The following LPAR5 variants were observed in gnomAD, a reference collection of about 807,000 sequenced individuals.
LPAR5 encodes the protein lysophosphatidic acid receptor 5, also known as G protein-coupled receptor 92.
For synonymous variants in LPAR5, 271 were observed against 261.6 expected, an observed-to-expected ratio of 1.04 and a Z score of -0.35; for missense variants, 544 against 521.8, an observed-to-expected ratio of 1.04 and a Z score of -0.41.
chr12:6,620,905 A>C lies in LPAR5; in HGVS notation c.344T>G (p.Ile115Ser). Residue 115 changes from isoleucine (I) to serine (S), a missense_variant, in exon 2 of 2, where the codon ATC (isoleucine) becomes AGC (serine). Transcript: ENST00000329858. This position sits in a 1 kb window ranked among gnomAD's most constrained non-coding sequence, Gnocchi z 6.8. ...GATGGCGGCGTAGCGGTCCACGTTG[A>C]TGAGCATCAGGAAGATGCAGCTGCC... is the stretch of plus-strand genomic sequence containing the variant. ...MYGSCIFLML[I>S]NVDRYAAIVH... The C allele has an allele frequency of 1.3e-6, 2 of 1,594,548 alleles. No homozygotes were observed. The highest frequency in any genetic ancestry group is 1.7e-6 in the Non-Finnish European group (2 of 1,171,056).
chr12:6,625,671 C>T (rs987546947), intron 1 of LPAR5, among the ~76,000 whole-genome samples: 1 of 149,434 alleles, frequency 6.7e-6, no homozygotes, highest in Non-Finnish European at 1.5e-5. Flanking sequence ...TGCACTGAGC[C>T]GAGTTCACGC....
chr12:6,619,864 C>T lies in LPAR5; in HGVS notation c.*266G>A, dbSNP rs999425968. ...CCCAAAGGCATTTCGTCCTCTTCTGCCCTCTGCACGGGTGGGCTCTCTGCA... is the reference window on the plus strand; with the variant it reads ...CCCAAAGGCATTTCGTCCTCTTCTGTCCTCTGCACGGGTGGGCTCTCTGCA... On this transcript the variant is annotated 3_prime_UTR_variant, in exon 2 of 2. Coordinates refer to ENST00000329858, the MANE Select transcript of LPAR5 (RefSeq NM_020400.6). 3 of 657,124 alleles carry T rather than the reference C, an allele frequency of 4.6e-6. No homozygotes were observed. Among genetic ancestry groups the T allele is most frequent in the Non-Finnish European group, 8.4e-6 (3 of 356,938 alleles). 40.7% of individuals were successfully genotyped at this position (657,124 alleles called of 1,614,324 possible).
intron 1 of LPAR5, among the ~76,000 whole-genome samples, chr12:6,628,601 C>T (rs1190303499): frequency 2.0e-5 from 3 of 151,582 alleles, no homozygotes; most frequent in Non-Finnish European, 4.4e-5. Context: ...GCTGAGATTA[C>T]AGGCGCTCAC....
chr12:6,621,119 G>A lies in LPAR5; in HGVS notation c.130C>T (p.Leu44Phe). The A allele has an allele frequency of 1.2e-6, 2 of 1,603,358 alleles. No homozygotes were observed. The highest frequency in any genetic ancestry group is 1.7e-6 in the Non-Finnish European group (2 of 1,174,356). The change falls in exon 2 of 2, where the codon CTC becomes TTC. Residue 44 changes from leucine (L) to phenylalanine (F), a missense_variant. By Grantham distance (22) the Leu-to-Phe change is conservative (BLOSUM62 0). Coordinates refer to ENST00000329858, the MANE Select transcript of LPAR5 (RefSeq NM_020400.6). ...CGCAGCGCGCGCAGGAAGACCCAGA[G>A]GGCTAGCGCGTTGAGGGGGAGCCCG... is the stretch of plus-strand genomic sequence containing the variant. ...AAGLPLNALA[L>F]WVFLRALRVH... is the part of the protein sequence containing the mutation.
rs1948888765 is a variant in LPAR5, at chr12:6,620,865, T to G, written c.384A>C (p.Arg128=). Residue 128 remains arginine, a synonymous_variant, in exon 2 of 2, where the codon CGA becomes CGC. Transcript: ENST00000329858. This position sits in a 1 kb window ranked among gnomAD's most constrained non-coding sequence, Gnocchi z 6.8. The stretch of plus-strand genomic sequence containing the variant: ...CGCGGGGCCGCCGCAGGTGGCGCAG[T>G]CGCAGCGGGTGCACGATGGCGGCGT... ...DRYAAIVHPL[R]LRHLRRPRVA... 1 of 1,567,486 alleles carries G rather than the reference T, an allele frequency of 6.4e-7. No individual in the cohort carries two copies. Among genetic ancestry groups the G allele is most frequent in the Admixed American group, 1.9e-5 (1 of 52,510 alleles).
In LPAR5 at chr12:6,620,339, A is replaced by G; in HGVS notation, c.910T>C (p.Phe304Leu). The change falls in exon 2 of 2, where the codon TTC becomes CTC. Residue 304 changes from phenylalanine to leucine, a missense_variant. Transcript: ENST00000329858. The surrounding 1 kb of genome is among the most constrained non-coding windows in gnomAD (Gnocchi z 6.8). ...PLVYYFSAEG[F>L]RNTLRGLGTP... The stretch of plus-strand genomic sequence containing the variant: ...CCCAGGCCGCGCAGGGTGTTGCGGA[A>G]GCCCTCGGCGCTAAAGTAGTACACC... 1 of 1,610,760 alleles carries G rather than the reference A, an allele frequency of 6.2e-7. No homozygotes were observed. Among genetic ancestry groups the G allele is most frequent in the Non-Finnish European group, 8.5e-7 (1 of 1,178,758 alleles).
intron 1 of LPAR5, among the ~76,000 whole-genome samples, chr12:6,624,078 C>T (rs1948915143): frequency 6.6e-6 from 1 of 152,184 alleles, no homozygotes; most frequent in Non-Finnish European, 1.5e-5. Context: ...CTGGGTTCAG[C>T]TTAATGGTTT....
chr12:6,625,261 T>A (rs1418307040), intron 1 of LPAR5, among the ~76,000 whole-genome samples: 1 of 149,582 alleles, frequency 6.7e-6, no homozygotes, highest in Non-Finnish European at 1.5e-5. Flanking sequence ...TCGTCTCTTT[T>A]AAAAATGCAA....
intron 1 of LPAR5, among the ~76,000 whole-genome samples, chr12:6,628,994 C>G (rs1471599123): frequency 6.8e-6 from 1 of 147,556 alleles, no homozygotes. Flanking sequence ...TGGTCTCGAA[C>G]TCCTGACCTC....
rs183192282 is a variant in LPAR5 at position 6,619,993 on chromosome 12, C to T, written c.*137G>A. On this transcript the variant is annotated 3_prime_UTR_variant, in exon 2 of 2. Coordinates refer to ENST00000329858, the MANE Select transcript of LPAR5 (RefSeq NM_020400.6). ...TGGGCCCTGGCTTCCACACTTTGTA[C>T]TCTTCTGCGTTGCTAAGCTGGAATT... 21 of 1,206,742 alleles carry T rather than the reference C, an allele frequency of 1.7e-5. No individual in the cohort carries two copies. The highest frequency in any genetic ancestry group is 3.0e-5 in the African/African-American group (2 of 66,404). 74.8% of individuals were successfully genotyped at this position (1,206,742 alleles called of 1,614,324 possible). A position where few individuals can be genotyped will look rare whatever the true frequency, so the allele number is the denominator to read the frequency against.
rs890199943 is a variant in LPAR5, at chr12:6,620,742, G to T, written c.507C>A (p.Asp169Glu). 2 of 1,591,854 alleles carry T rather than the reference G, an allele frequency of 1.3e-6. No individual in the cohort carries two copies. The highest frequency in any genetic ancestry group is 1.7e-6 in the Non-Finnish European group (2 of 1,169,584). Residue 169 changes from aspartate to glutamate, a missense_variant, in exon 2 of 2, where the codon GAC becomes GAA. Transcript: ENST00000329858. The surrounding 1 kb of genome is among the most constrained non-coding windows in gnomAD (Gnocchi z 6.8). ...TCTCGAAGCATAGGCGCACCTCGAG[G>T]TCCCGGTAGCGGCAACGCGAGGGCC... is the stretch of plus-strand genomic sequence containing the variant. ...VHRPSRCRYRDLEVRLCFESF... is the reference protein window; with the variant it reads ...VHRPSRCRYRELEVRLCFESF...
chr12:6,624,203 T>G (rs1479296777), intron 1 of LPAR5, among the ~76,000 whole-genome samples: 3 of 152,148 alleles, frequency 2.0e-5, no homozygotes, highest in African/African-American at 7.2e-5. Context: ...GACAGCACAG[T>G]CTTGCTAGGC....
chr12:6,630,508 A>G (rs1236694761), intron 1 of LPAR5, among the ~76,000 whole-genome samples: 1 of 125,682 alleles, frequency 8.0e-6, no homozygotes, highest in Non-Finnish European at 1.6e-5. Flanking sequence ...GCTGGAGTGC[A>G]GTGGTACAGT....
At chr12:6,621,857 G>A (rs1362018916) in intron 1 of LPAR5, among the ~76,000 whole-genome samples, 1 of 152,134 alleles carries the variant, frequency 6.6e-6, no homozygotes, top group Non-Finnish European at 1.5e-5. Flanking sequence ...GCCAGGTGCA[G>A]TGGCTCACAC....
At chr12:6,631,691 G>A (rs1413757150) in intron 1 of LPAR5, 2 of 152,296 alleles carry the variant, frequency 1.3e-5, no homozygotes, top group East Asian at 3.8e-4. Context: ...GCCAGAGGCA[G>A]GAAGTGAGAA....
Position 6,620,367 on chromosome 12 carries a change from C to T in LPAR5, c.882G>A (p.Pro294=), listed in dbSNP as rs763252050. 1.2e-6 allele frequency: 2 copies of T among 1,611,634 alleles called. No individual in the cohort carries two copies. The highest frequency in any genetic ancestry group is 1.7e-6 in the Non-Finnish European group (2 of 1,179,286). The change falls in exon 2 of 2, where the codon CCG becomes CCA. Residue 294 remains proline (P), a synonymous_variant. Transcript: ENST00000329858. This position sits in a 1 kb window ranked among gnomAD's most constrained non-coding sequence, Gnocchi z 6.8. The stretch of plus-strand genomic sequence containing the variant: ...CCTCGGCGCTAAAGTAGTACACCAG[C>T]GGGTCCAGCACGCAGTTGGCGCCGG... ...LLAGANCVLD[P]LVYYFSAEGF...
At chr12:6,625,116 G>A (rs2136242008) in intron 1 of LPAR5, among the ~76,000 whole-genome samples, 1 of 152,162 alleles carries the variant, frequency 6.6e-6, no homozygotes, top group South Asian at 2.1e-4. Context: ...AAGACACCGA[G>A]CTTATTACTT....
In LPAR5 at chr12:6,619,245, C is replaced by T. The variant is rs1365245916; in HGVS notation, c.*885G>A. ...CAAAGCTCTTTGAGATCCTCAATTT[C>T]TAAGAGTGGGGTCTGAGACCAAAAA... On this transcript the variant is annotated 3_prime_UTR_variant, in exon 2 of 2. Transcript: ENST00000329858. 1 of 152,040 alleles carries T rather than the reference C, an allele frequency of 6.6e-6. No homozygotes were observed. Among genetic ancestry groups the T allele is most frequent in the African/African-American group, 2.4e-5 (1 of 41,392 alleles). The allele number at this position is 152,040 out of a possible 1,614,324, so 9.4% of individuals were successfully genotyped here.
At chr12:6,634,253 CCTT>C (rs1459553138) in intron 1 of LPAR5, among the ~76,000 whole-genome samples, 1 of 152,160 alleles carries the variant, frequency 6.6e-6, no homozygotes, top group East Asian at 1.9e-4. Flanking sequence ...GATCTGCCCG[CCTT>C]GGCCTCCCAA....
Sources: allele counts gnomAD v4.1 joint callset (sites outside exome capture counted in the v4.1 genomes callset), GRCh38; gene constraint gnomAD v4.1.1; non-coding constraint Gnocchi (gnomAD v3.1); transcripts MANE v1.5; gene names NCBI Gene and HGNC (gene_info 2026-07-23, HGNC 2026-07-21).